The following NSG2 variants were observed in gnomAD, a reference collection of about 807,000 sequenced individuals.
The protein encoded by NSG2 is neuronal vesicle trafficking-associated protein 2.
Under a neutral mutation model 16.9 loss-of-function variants are expected in NSG2, and 4 were observed. That is an observed-to-expected ratio of 0.24 (90% CI 0.12 to 0.54). The LOEUF is 0.54. NSG2 is among the 20% of genes least tolerant of loss of function. The pLI is 0.95. For missense variants in NSG2, 179 were observed against 221.1 expected, an observed-to-expected ratio of 0.81 and a Z score of 1.21; for synonymous variants, 98 against 88.7, an observed-to-expected ratio of 1.11 and a Z score of -0.59.
intron 2 of NSG2, chr5:174,056,361 G>T (rs1334572135): frequency 6.6e-6 from 1 of 152,218 alleles, no homozygotes; most frequent in Non-Finnish European, 1.5e-5. Context: ...GGCACATAGT[G>T]GGTACCTTTA....
At chr5:174,106,583 C>CT (rs752375646) in intron 4 of NSG2, among the ~76,000 whole-genome samples, 963 of 93,464 alleles carry the variant, frequency 0.01, 186 homozygotes, top group Non-Finnish European at 0.013. Flanking sequence ...GGAATGAAGC[C>CT]TTTTTTTTTT....
chr5:174,093,168 A>G (rs1760746125), intron 3 of NSG2, among the ~76,000 whole-genome samples: 1 of 152,152 alleles, frequency 6.6e-6, no homozygotes, highest in Non-Finnish European at 1.5e-5. Context: ...TCTCTGATAC[A>G]ACATTGTACA....
chr5:174,066,130 A>C, intron 3 of NSG2: 1 of 453,494 alleles, frequency 2.2e-6, no homozygotes, highest in Non-Finnish European at 4.4e-6. Context: ...CATTCCCTGG[A>C]ATGTGGAACT....
At chr5:174,079,654 G>A (rs1561668285) in intron 3 of NSG2, among the ~76,000 whole-genome samples, 1 of 152,078 alleles carries the variant, frequency 6.6e-6, no homozygotes, top group South Asian at 2.1e-4. Flanking sequence ...TATCTGGCTG[G>A]ACCATTTGTT....
At chr5:174,089,611 G>C (rs1441538143) in intron 3 of NSG2, among the ~76,000 whole-genome samples, 1 of 152,094 alleles carries the variant, frequency 6.6e-6, no homozygotes, top group Admixed American at 6.6e-5. Context: ...GAAAGGAAGA[G>C]TTTGTGGGGA....
intron 4 of NSG2, among the ~76,000 whole-genome samples, chr5:174,105,329 G>A (rs1022172112): frequency 1.3e-5 from 2 of 152,164 alleles, no homozygotes; most frequent in African/African-American, 2.4e-5. Flanking sequence ...CCTCTAGCTG[G>A]TTGACTCACC....
intron 3 of NSG2, among the ~76,000 whole-genome samples, chr5:174,074,070 A>G (rs1581226903): frequency 6.6e-6 from 1 of 152,216 alleles, no homozygotes. Flanking sequence ...AAAGGCTACA[A>G]ATCTCCTCCT....
chr5:174,078,835 T>A (rs1760393143), intron 3 of NSG2, among the ~76,000 whole-genome samples: 1 of 152,202 alleles, frequency 6.6e-6, no homozygotes, highest in Non-Finnish European at 1.5e-5. Context: ...CCTGGTGCCT[T>A]CATCTTAGGT....
Sources: allele counts gnomAD v4.1 joint callset (sites outside exome capture counted in the v4.1 genomes callset), GRCh38; gene constraint gnomAD v4.1.1; transcripts MANE v1.5; gene names NCBI Gene and HGNC (gene_info 2026-07-23, HGNC 2026-07-21).